The following GRAP2 variants were observed in gnomAD, a reference collection of about 807,000 sequenced individuals.
The protein encoded by GRAP2 is GRB2-related adapter protein 2.
Under a neutral mutation model 43.5 loss-of-function variants are expected in GRAP2, and 31 were observed. The ratio of observed to expected loss-of-function variants is 0.71; its 90% confidence interval spans 0.54 to 0.96. GRAP2 has a LOEUF of 0.96. GRAP2 is among the 40% of genes least tolerant of loss of function. The pLI is 0.00. For synonymous variants in GRAP2, 156 were observed against 164.8 expected, an observed-to-expected ratio of 0.95 and a Z score of 0.41; for missense variants, 371 against 424.4, an observed-to-expected ratio of 0.87 and a Z score of 1.11.
chr22:39,934,416 G>A (rs1361316820), intron 1 of GRAP2, among the ~76,000 whole-genome samples: 7 of 152,174 alleles, frequency 4.6e-5, no homozygotes, highest in Non-Finnish European at 8.8e-5. Flanking sequence ...TGATTCAAAA[G>A]TCCATTTTCC....
chr22:39,959,430 C>T (rs1175435145), intron 3 of GRAP2, among the ~76,000 whole-genome samples: 1 of 152,334 alleles, frequency 6.6e-6, no homozygotes, highest in Non-Finnish European at 1.5e-5. Flanking sequence ...CTGCCAGCCT[C>T]GCTGATTTCC....
chr22:39,898,297 A>T (rs2066473386), upstream of GRAP2, among the ~76,000 whole-genome samples: 1 of 152,168 alleles, frequency 6.6e-6, no homozygotes, highest in East Asian at 1.9e-4. Flanking sequence ...GGACCATCTG[A>T]TGTACCTTCT....
At chr22:39,913,451 G>A (rs1459119039) in intron 1 of GRAP2, among the ~76,000 whole-genome samples, 1 of 152,210 alleles carries the variant, frequency 6.6e-6, no homozygotes, top group East Asian at 1.9e-4. Flanking sequence ...GCAGAATCCT[G>A]CTTGCTAGAA....
At chr22:39,945,714 T>C (rs1341589437) in intron 1 of GRAP2, among the ~76,000 whole-genome samples, 1 of 152,204 alleles carries the variant, frequency 6.6e-6, no homozygotes, top group Non-Finnish European at 1.5e-5. Context: ...ATGAGAAAAG[T>C]TCATAGGAGA....
At chr22:39,936,209 C>T (rs2066805056) in intron 1 of GRAP2, among the ~76,000 whole-genome samples, 1 of 152,184 alleles carries the variant, frequency 6.6e-6, no homozygotes, top group Non-Finnish European at 1.5e-5. Context: ...CCCCACCCCG[C>T]CCTCCACCCT....
intron 1 of GRAP2, among the ~76,000 whole-genome samples, chr22:39,933,710 G>A (rs917337467): frequency 2.0e-5 from 3 of 151,920 alleles, no homozygotes; most frequent in Admixed American, 6.6e-5. Context: ...GCGTGGTGGC[G>A]GGCACCTGTA....
At chr22:39,931,439 A>C (rs1332575241) in intron 1 of GRAP2, among the ~76,000 whole-genome samples, 1 of 152,238 alleles carries the variant, frequency 6.6e-6, no homozygotes, top group Non-Finnish European at 1.5e-5. Context: ...GGTTCCAGGA[A>C]GAGACAAGGT....
chr22:39,935,443 G>A (rs2145614020), intron 1 of GRAP2, among the ~76,000 whole-genome samples: 1 of 152,244 alleles, frequency 6.6e-6, no homozygotes, highest in Non-Finnish European at 1.5e-5. Flanking sequence ...TAAAAAGAAA[G>A]AGAACTATTT....
intron 1 of GRAP2, among the ~76,000 whole-genome samples, chr22:39,914,627 C>A (rs1472200354): frequency 6.6e-6 from 1 of 152,118 alleles, no homozygotes; most frequent in Non-Finnish European, 1.5e-5. Flanking sequence ...TTACAGCAGG[C>A]TAAGTGGATA....
At chr22:39,968,481 T>A (rs1005077820) in intron 6 of GRAP2, 17 of 569,540 alleles carry the variant, frequency 3.0e-5, no homozygotes, top group African/African-American at 2.7e-4. Context: ...ACACACACAC[T>A]GTCTCACACA....
rs564372093 is a variant in GRAP2 at position 39,940,599 on chromosome 22, C to T, written c.-14-6494C>T. ...GGTAATAAACTAAGGCAGAAAGGCCCCAAACACAGATGTAAGATGCAGAGC... is the reference window on the plus strand; with the variant it reads ...GGTAATAAACTAAGGCAGAAAGGCCTCAAACACAGATGTAAGATGCAGAGC... On this transcript the variant is annotated intron_variant, in intron 1 of 7. Transcript: ENST00000344138. 3.2e-4 allele frequency among the ~76,000 whole-genome samples: 49 copies of T among 152,016 alleles called. 2 individuals are homozygous for T. The Middle Eastern group carries it at 0.014, about 42-fold the overall frequency.
the GRAP2 span, among the ~76,000 whole-genome samples, chr22:39,895,777 A>T: frequency 1.3e-5 from 2 of 152,224 alleles, no homozygotes; most frequent in African/African-American, 4.8e-5. Context: ...GGAAACAGGA[A>T]TAAATCAGCA....
intron 6 of GRAP2, 89 bp from the exon 7 acceptor site, chr22:39,969,322 C>G (rs1393178630): frequency 5.7e-6 from 8 of 1,410,578 alleles, no homozygotes; most frequent in Non-Finnish European, 8.0e-6. Context: ...TATACCGGCT[C>G]TGTGGATGGC....
chr22:39,903,745 G>A (rs2066506841), intron 1 of GRAP2, among the ~76,000 whole-genome samples: 1 of 152,046 alleles, frequency 6.6e-6, no homozygotes, highest in Non-Finnish European at 1.5e-5. Flanking sequence ...CCAAAGTGTT[G>A]GGATTACAGG....
intron 1 of GRAP2, among the ~76,000 whole-genome samples, chr22:39,939,803 G>T (rs2066847702): frequency 6.6e-6 from 1 of 151,994 alleles, no homozygotes; most frequent in Non-Finnish European, 1.5e-5. Flanking sequence ...CAGCTACTCG[G>T]GAAGCTGAGG....
At chr22:39,961,409 C>T (rs1020858538) in intron 4 of GRAP2, among the ~76,000 whole-genome samples, 1 of 152,156 alleles carries the variant, frequency 6.6e-6, no homozygotes, top group Non-Finnish European at 1.5e-5. Flanking sequence ...CAAGGGGTGT[C>T]GTTTTCTGAG....
At chr22:39,956,507 T>C (rs755227547) in intron 3 of GRAP2, among the ~76,000 whole-genome samples, 3 of 150,980 alleles carry the variant, frequency 2.0e-5, no homozygotes, top group Non-Finnish European at 4.4e-5. Flanking sequence ...TGTTTATTTG[T>C]TTTGAGACAG....
intron 4 of GRAP2, among the ~76,000 whole-genome samples, chr22:39,962,806 G>A (rs907763109): frequency 6.6e-6 from 1 of 152,002 alleles, no homozygotes; most frequent in African/African-American, 2.4e-5. Context: ...CCATGGGTTC[G>A]CACCACCACG....
intron 1 of GRAP2, among the ~76,000 whole-genome samples, chr22:39,910,536 G>A (rs565978596): frequency 3.3e-5 from 5 of 152,004 alleles, no homozygotes; most frequent in African/African-American, 1.2e-4. Flanking sequence ...AGCCTCCCGA[G>A]TAGCTGGGAT....
Sources: gnomAD v4.1 joint callset for allele counts (sites outside exome capture counted in the v4.1 genomes callset) on GRCh38, gnomAD v4.1.1 for gene constraint, MANE v1.5 for transcripts, NCBI Gene and HGNC (gene_info 2026-07-23, HGNC 2026-07-21) for gene names.